The following COPS3 variants were observed in gnomAD, a reference collection of about 807,000 sequenced individuals.
COPS3 encodes COP9 signalosome subunit 3.
Under a neutral mutation model 58.2 loss-of-function variants are expected in COPS3, and 10 were observed. The observed-to-expected ratio is 0.17, with a 90% CI of 0.11 to 0.29. COPS3 has a LOEUF of 0.29. Ranked by LOEUF, COPS3 falls within the 10% of genes least tolerant of loss-of-function variation. The pLI, the probability that COPS3 is intolerant of heterozygous loss-of-function variation, is 1.00. For missense variants in COPS3, 333 were observed against 510.1 expected, an observed-to-expected ratio of 0.65 and a Z score of 3.34; for synonymous variants, 187 against 181.7, an observed-to-expected ratio of 1.03 and a Z score of -0.24.
intron 1 of COPS3, among the ~76,000 whole-genome samples, chr17:17,280,102 T>A (rs1328537425): frequency 6.6e-6 from 1 of 151,754 alleles, no homozygotes; most frequent in Admixed American, 6.6e-5. Flanking sequence ...CCCATCTCTA[T>A]TAAAAATACG....
rs201286834 is a variant in COPS3, at chr17:17,276,441, G to GCA, written c.56-279_56-278dup. ...TTTTCTAGTCTCCCAAGCCAGAAAT[G>GCA]CACGTTACTATTAACAGCTCTCTGC... On this transcript the variant is annotated intron_variant, in intron 1 of 11. Transcript: ENST00000268717. Among the ~76,000 whole-genome samples, 14 of 87,474 alleles carry GCA rather than the reference G, an allele frequency of 1.6e-4. No homozygotes were observed. In the South Asian group the frequency reaches 2.4e-3, roughly 15 times the overall value. The allele number at this position is 87,474 out of a possible 152,430, so 57.4% of individuals were successfully genotyped here. A position where few individuals can be genotyped will look rare whatever the true frequency, so the allele number is the denominator to read the frequency against.
At chr17:17,265,105 T>C in intron 5 of COPS3, 124 bp from the exon 6 acceptor site, 1 of 795,240 alleles carries the variant, frequency 1.3e-6, no homozygotes, top group Non-Finnish European at 2.0e-6. Context: ...TTTTATTGAC[T>C]AAAATTATCT....
chr17:17,271,842 A>ATCTATCTATATATATATC (rs1309439479), intron 2 of COPS3, among the ~76,000 whole-genome samples: 1 of 140,456 alleles, frequency 7.1e-6, no homozygotes, highest in Non-Finnish European at 1.5e-5. Flanking sequence ...ATATATATCT[A>ATCTATCTATATATATATC]TATATATATA....
chr17:17,263,035 T>G (rs1348644012), intron 6 of COPS3, among the ~76,000 whole-genome samples: 1 of 151,354 alleles, frequency 6.6e-6, no homozygotes, highest in African/African-American at 2.4e-5. Context: ...ATGCCTGTAA[T>G]CCCAGCAATT....
intron 2 of COPS3, among the ~76,000 whole-genome samples, chr17:17,271,541 C>G (rs996080208): frequency 6.6e-6 from 1 of 152,130 alleles, no homozygotes; most frequent in African/African-American, 2.4e-5. Context: ...ATGTTTAGGC[C>G]TGGCGCAGTG....
At chr17:17,255,042 C>G (rs2047936965) in intron 8 of COPS3, 97 bp from the exon 9 acceptor site, 2 of 773,284 alleles carry the variant, frequency 2.6e-6, no homozygotes, top group East Asian at 5.5e-5. Flanking sequence ...TGGCTCATGT[C>G]TGTAATCCCA....
chr17:17,247,732 T>C, intron 10 of COPS3, 172 bp from the exon 11 acceptor site: 1 of 571,556 alleles, frequency 1.7e-6, no homozygotes, highest in Non-Finnish European at 3.1e-6. Flanking sequence ...AGCTAATACA[T>C]CTATCATATA....
intron 4 of COPS3, 86 bp downstream of exon 4, chr17:17,270,672 T>C: frequency 8.2e-7 from 1 of 1,224,466 alleles, no homozygotes; most frequent in Non-Finnish European, 1.2e-6. Context: ...TGCTCAGTAC[T>C]AACTGGAATC....
At chr17:17,262,129 C>G (rs572941547) in intron 6 of COPS3, 23 bp from the exon 7 acceptor site, 1 of 1,599,778 alleles carries the variant, frequency 6.3e-7, no homozygotes, top group African/African-American at 1.3e-5. Context: ...AGAATGCTTG[C>G]TGTAAAGAGA....
At chr17:17,248,719 C>T (rs1597654883) in intron 10 of COPS3, among the ~76,000 whole-genome samples, 1 of 152,172 alleles carries the variant, frequency 6.6e-6, no homozygotes, top group Non-Finnish European at 1.5e-5. Context: ...GACAGTGGCA[C>T]AATCTCGGCT....
At chr17:17,257,373 A>G (rs1347896905) in intron 8 of COPS3, among the ~76,000 whole-genome samples, 1 of 151,798 alleles carries the variant, frequency 6.6e-6, no homozygotes, top group African/African-American at 2.4e-5. Flanking sequence ...CAGAAAAAAA[A>G]AAAAAGAAAA....
intron 2 of COPS3, among the ~76,000 whole-genome samples, chr17:17,271,665 CA>C (rs2048344883): frequency 6.7e-6 from 1 of 149,794 alleles, no homozygotes; most frequent in African/African-American, 2.5e-5. Flanking sequence ...ACTAAAAATA[CA>C]AAAAAATTAG....
chr17:17,262,225 T>A, intron 6 of COPS3, 119 bp from the exon 7 acceptor site: 1 of 912,574 alleles, frequency 1.1e-6, no homozygotes, highest in Non-Finnish European at 1.6e-6. Flanking sequence ...CCATTATTTT[T>A]ATAACAGCCT....
intron 4 of COPS3, among the ~76,000 whole-genome samples, chr17:17,268,847 C>A (rs75735109): frequency 0.31 from 14,801 of 48,294 alleles, 917 homozygotes; most frequent in East Asian, 0.53. Context: ...ACAACAACAA[C>A]AAAAATATAT....
chr17:17,262,714 A>G (rs2048128756), intron 6 of COPS3, among the ~76,000 whole-genome samples: 1 of 151,716 alleles, frequency 6.6e-6, no homozygotes, highest in Non-Finnish European at 1.5e-5. Context: ...TGGGCGACAA[A>G]GCGAGACTCC....
intron 9 of COPS3, among the ~76,000 whole-genome samples, chr17:17,251,699 G>C (rs905572574): frequency 6.6e-6 from 1 of 152,154 alleles, no homozygotes; most frequent in African/African-American, 2.4e-5. Flanking sequence ...TCACAATGCT[G>C]AGCCAAAAAA....
At chr17:17,260,610 C>T in intron 7 of COPS3, 136 bp from the exon 8 acceptor site, 1 of 685,360 alleles carries the variant, frequency 1.5e-6, no homozygotes, top group East Asian at 2.8e-5. Context: ...TAAACACCAG[C>T]CTGACCAACA....
In COPS3 at chr17:17,256,819, G is replaced by A. The variant is rs188691628; in HGVS notation, c.937-1874C>T. 3.3e-5 allele frequency among the ~76,000 whole-genome samples: 5 copies of A among 152,184 alleles called. No homozygotes were observed. In the East Asian group the frequency reaches 9.6e-4, roughly 29 times the overall value. ...TTGCCCAGACTGGTTTCAAGCTCCTGGTTTCAACGTATCTTCCTGCCTCAG... is the reference window on the plus strand; with the variant it reads ...TTGCCCAGACTGGTTTCAAGCTCCTAGTTTCAACGTATCTTCCTGCCTCAG... On this transcript the variant is annotated intron_variant, in intron 8 of 11. Transcript: ENST00000268717.
intron 1 of COPS3, among the ~76,000 whole-genome samples, chr17:17,280,102 T>C (rs1328537425): frequency 1.3e-5 from 2 of 151,754 alleles, no homozygotes; most frequent in African/African-American, 2.4e-5. Flanking sequence ...CCCATCTCTA[T>C]TAAAAATACG....
Sources: gnomAD v4.1 joint callset for allele counts (sites outside exome capture counted in the v4.1 genomes callset) on GRCh38, gnomAD v4.1.1 for gene constraint, MANE v1.5 for transcripts, NCBI Gene and HGNC (gene_info 2026-07-23, HGNC 2026-07-21) for gene names.